The following SMYD2 variants were observed in gnomAD, a reference collection of about 807,000 sequenced individuals.
The protein encoded by SMYD2 is SET and MYND domain containing 2, also known as N-lysine methyltransferase SMYD2.
SMYD2 carries 53 observed loss-of-function variants against 59.1 expected under a neutral mutation model. The observed-to-expected ratio is 0.90, with a 90% confidence interval of 0.72 to 1.13. SMYD2 has a LOEUF of 1.13. SMYD2 is among the 50% of genes most tolerant of loss of function. The pLI, the probability that SMYD2 is intolerant of heterozygous loss-of-function variation, is 0.00. For missense variants in SMYD2, 494 were observed against 544.7 expected, an observed-to-expected ratio of 0.91 and a Z score of 0.93; for synonymous variants, 208 against 198.8, an observed-to-expected ratio of 1.05 and a Z score of -0.39.
At chr1:214,281,489 C>A (rs991735302) in intron 1 of SMYD2, 62 bp downstream of exon 1, 3 of 1,240,250 alleles carry the variant, frequency 2.4e-6, no homozygotes, top group Non-Finnish European at 3.0e-6. Flanking sequence ...GAGGCTTGGA[C>A]GGCGGCGCCA....
At chr1:214,314,254 T>A (rs540947854) in intron 2 of SMYD2, among the ~76,000 whole-genome samples, 1 of 152,168 alleles carries the variant, frequency 6.6e-6, no homozygotes, top group African/African-American at 2.4e-5. Flanking sequence ...CCTAAATCTT[T>A]CCAGTGGTTG....
At position 214,286,872 on chromosome 1, in the gene SMYD2, A is replaced by T. The variant is rs1656556855; in HGVS notation, c.173+5445A>T. Among the ~76,000 whole-genome samples, 6 of 137,738 alleles carry T rather than the reference A, an allele frequency of 4.4e-5. No homozygotes were observed. The South Asian group carries it at 1.2e-3, about 28-fold the overall frequency. 90.4% of individuals were successfully genotyped at this position (137,738 alleles called of 152,430 possible). A position where few individuals can be genotyped will look rare whatever the true frequency, so the allele number is the denominator to read the frequency against. ...ATCTCTCTTCTTTTTTTTTTTTGAG[A>T]TGGAGTCTCACTCTGTCACCCAGGC... On this transcript the variant is annotated intron_variant, in intron 1 of 11. Transcript: ENST00000366957.
rs79205745 is a variant in SMYD2 at position 214,331,537 on chromosome 1, C to G, written c.937+467C>G. On this transcript the variant is annotated intron_variant, in intron 9 of 11. Coordinates refer to ENST00000366957, the MANE Select transcript of SMYD2 (RefSeq NM_020197.3). ...TAGGATCTAGGATTTTGTCCCAGCT[C>G]TATCAGAATCCATATTCTTAACCAT... is the stretch of plus-strand genomic sequence containing the variant. The G allele has an allele frequency of 2.4e-4, 43 of 178,468 alleles. No individual in the cohort carries two copies. In the East Asian group the frequency reaches 5.9e-3, roughly 25 times the overall value. 11.1% of individuals were successfully genotyped at this position (178,468 alleles called of 1,614,324 possible). A position where few individuals can be genotyped will look rare whatever the true frequency, so the allele number is the denominator to read the frequency against.
Position 214,318,619 on chromosome 1 carries a change from G to A in SMYD2, c.410-240G>A, listed in dbSNP as rs1420802620. ...TGCTAACAGTCAGTCGAAATCTCAC[G>A]TCCCAAGTGACTTCTAGTCATCAGA... On this transcript the variant is annotated intron_variant, in intron 4 of 11. Coordinates refer to ENST00000366957, the MANE Select transcript of SMYD2 (RefSeq NM_020197.3). The surrounding 1 kb of genome is among the most constrained non-coding windows in gnomAD (Gnocchi z 5.4). Among the ~76,000 whole-genome samples the A allele has an allele frequency of 1.3e-5, 2 of 152,126 alleles. No homozygotes were observed. The highest frequency in any genetic ancestry group is 2.9e-5 in the Non-Finnish European group (2 of 68,036).
chr1:214,281,515 T>C, intron 1 of SMYD2, 88 bp downstream of exon 1: 1 of 649,442 alleles, frequency 1.5e-6, no homozygotes, highest in Non-Finnish European at 1.9e-6. Context: ...TGCGTGCGGC[T>C]CGCGGGGTCC....
intron 1 of SMYD2, among the ~76,000 whole-genome samples, chr1:214,287,111 G>C (rs1364949679): frequency 6.6e-6 from 1 of 151,874 alleles, no homozygotes; most frequent in Admixed American, 6.6e-5. Context: ...TTACAGGTAT[G>C]AGCCACCACG....
intron 1 of SMYD2, among the ~76,000 whole-genome samples, chr1:214,298,973 C>T (rs11120289): frequency 0.27 from 40,993 of 151,864 alleles, 5,835 homozygotes; most frequent in East Asian, 0.47. Flanking sequence ...GGCAACATAG[C>T]GAGGCCCTCA....
At chr1:214,303,063 T>C (rs1309895337) in intron 1 of SMYD2, among the ~76,000 whole-genome samples, 1 of 152,162 alleles carries the variant, frequency 6.6e-6, no homozygotes, top group African/African-American at 2.4e-5. Context: ...AGACTTCTTT[T>C]GTTTCATTAG....
intron 3 of SMYD2, among the ~76,000 whole-genome samples, chr1:214,317,206 T>C (rs765904133): frequency 6.6e-6 from 1 of 152,174 alleles, no homozygotes; most frequent in Non-Finnish European, 1.5e-5. Flanking sequence ...AAGATGAGTT[T>C]ATACAAGCTT....
intron 1 of SMYD2, among the ~76,000 whole-genome samples, chr1:214,297,556 C>A (rs1656754701): frequency 1.3e-5 from 2 of 152,160 alleles, no homozygotes; most frequent in African/African-American, 4.8e-5. Context: ...GGATCTCTCT[C>A]CTCTCTCAAG....
chr1:214,303,248 G>C (rs1369388922), intron 1 of SMYD2, among the ~76,000 whole-genome samples: 1 of 152,180 alleles, frequency 6.6e-6, no homozygotes, highest in Non-Finnish European at 1.5e-5. Context: ...TCTGTGGAAA[G>C]AAGTTTGCAA....
At chr1:214,300,248 C>T (rs148867149) in intron 1 of SMYD2, among the ~76,000 whole-genome samples, 5 of 152,282 alleles carry the variant, frequency 3.3e-5, no homozygotes, top group African/African-American at 4.8e-5. Flanking sequence ...GTGAGGAGTG[C>T]GGTGTTCTCT....
At chr1:214,310,552 T>G (rs1364388200) in intron 2 of SMYD2, among the ~76,000 whole-genome samples, 1 of 149,550 alleles carries the variant, frequency 6.7e-6, no homozygotes, top group East Asian at 2.0e-4. Flanking sequence ...ACAGAAAATT[T>G]TATAAGTATT....
chr1:214,314,034 G>A (rs770421707), intron 2 of SMYD2, among the ~76,000 whole-genome samples: 5 of 152,044 alleles, frequency 3.3e-5, no homozygotes, highest in African/African-American at 9.7e-5. Context: ...AAAATTAGCC[G>A]GGCGTAGTGG....
At chr1:214,297,187 C>T (rs527460676) in intron 1 of SMYD2, among the ~76,000 whole-genome samples, 2 of 148,404 alleles carry the variant, frequency 1.3e-5, no homozygotes, top group South Asian at 2.1e-4. Context: ...CTGGGCCCAA[C>T]ACATACCAAT....
Position 214,327,698 on chromosome 1 carries a change from G to T in SMYD2, c.679G>T (p.Val227Leu), listed in dbSNP as rs1657285135. ...AGGGACCCTGGCAGAAGTCAGAGCT[G>T]TACAGGAAATCAAGCCGGGAGAGGA... ...YKGTLAEVRA[V>L]QEIKPGEEVF... is the part of the protein sequence containing the mutation. The change falls in exon 7 of 12, where the codon GTA becomes TTA. Residue 227 changes from valine (V) to leucine (L), a missense_variant. Coordinates refer to ENST00000366957, the MANE Select transcript of SMYD2 (RefSeq NM_020197.3). 1 of 1,614,180 alleles carries T rather than the reference G, an allele frequency of 6.2e-7. No homozygotes were observed. The highest frequency in any genetic ancestry group is 1.3e-5 in the African/African-American group (1 of 75,054).
At chr1:214,334,851 AG>A (rs1182970331) in intron 11 of SMYD2, among the ~76,000 whole-genome samples, 3 of 152,202 alleles carry the variant, frequency 2.0e-5, no homozygotes, top group African/African-American at 7.2e-5. Flanking sequence ...GTAATAGCCT[AG>A]GGTACATGGT....
rs1657020813 is a variant in SMYD2 at position 214,312,929 on chromosome 1, G to A, written c.238-1833G>A. Among the ~76,000 whole-genome samples the A allele has an allele frequency of 6.6e-6, 1 of 152,214 alleles. No homozygotes were observed. Among genetic ancestry groups the A allele is most frequent in the African/African-American group, 2.4e-5 (1 of 41,460 alleles). On this transcript the variant is annotated intron_variant, in intron 2 of 11. Transcript: ENST00000366957. This position sits in a 1 kb window ranked among gnomAD's most constrained non-coding sequence, Gnocchi z 4.1. ...TCCATGGGAGCAAGGACAGAAGCGGGCATCCAGTTAGAAGGCAGTGGCAGG... is the reference window on the plus strand; with the variant it reads ...TCCATGGGAGCAAGGACAGAAGCGGACATCCAGTTAGAAGGCAGTGGCAGG...
intron 1 of SMYD2, among the ~76,000 whole-genome samples, chr1:214,295,314 G>GT (rs1656706870): frequency 6.6e-6 from 1 of 152,184 alleles, no homozygotes; most frequent in Non-Finnish European, 1.5e-5. Flanking sequence ...GGATATAGGT[G>GT]TTGTCCAGGG....
Sources: allele counts gnomAD v4.1 joint callset (sites outside exome capture counted in the v4.1 genomes callset), GRCh38; gene constraint gnomAD v4.1.1; non-coding constraint Gnocchi (gnomAD v3.1); transcripts MANE v1.5; gene names NCBI Gene and HGNC (gene_info 2026-07-23, HGNC 2026-07-21).